Variants in GNG7 observed in about 807,000 individuals in gnomAD.
The protein encoded by GNG7 is guanine nucleotide-binding protein G(I)/G(S)/G(O) subunit gamma-7.
GNG7 carries 1 observed loss-of-function variant against 4.0 expected under a neutral mutation model. The ratio of observed to expected loss-of-function variants is 0.25; its 90% CI spans 0.09 to 1.18. The LOEUF is 1.18. Among genes scored for constraint, GNG7 ranks in the 50% most tolerant of loss-of-function variants. The pLI is 0.50. For missense variants in GNG7, 86 were observed against 91.9 expected, an observed-to-expected ratio of 0.94 and a Z score of 0.26; for synonymous variants, 34 against 36.9, an observed-to-expected ratio of 0.92 and a Z score of 0.29.
intron 2 of GNG7, among the ~76,000 whole-genome samples, chr19:2,638,803 C>T (rs1413754318): frequency 6.6e-6 from 1 of 152,068 alleles, no homozygotes; most frequent in Non-Finnish European, 1.5e-5. Context: ...GTGAGCCCCA[C>T]TAGCATAGTT....
At position 2,589,905 on chromosome 19, in the gene GNG7, G is replaced by A. The variant is rs769171757; in HGVS notation, c.-77-34717C>T. 1.1e-4 allele frequency among the ~76,000 whole-genome samples: 16 copies of A among 152,188 alleles called. 1 individual carries two copies. Among genetic ancestry groups the A allele is most frequent in the East Asian group, 3.9e-4 (2 of 5,188 alleles). ...CAGCTCACTGCAACCTCCACCTCCCGGGTTCAAGCGATTCTTCTACCTCAG... is the reference window on the plus strand; with the variant it reads ...CAGCTCACTGCAACCTCCACCTCCCAGGTTCAAGCGATTCTTCTACCTCAG... On this transcript the variant is annotated intron_variant, in intron 2 of 4. Coordinates refer to ENST00000382159, the MANE Select transcript of GNG7 (RefSeq NM_052847.3).
chr19:2,538,096 A>AAAAC (rs1489641555), intron 3 of GNG7: 6 of 454,212 alleles, frequency 1.3e-5, no homozygotes, highest in African/African-American at 2.0e-5. Context: ...AAAACAAAAC[A>AAAAC]AAACAAAACA....
chr19:2,593,291 G>A (rs1285248416), intron 2 of GNG7, among the ~76,000 whole-genome samples: 1 of 151,876 alleles, frequency 6.6e-6, no homozygotes, highest in Admixed American at 6.6e-5. Context: ...ATGTATAGTG[G>A]AAAATTCCTT....
intron 2 of GNG7, among the ~76,000 whole-genome samples, chr19:2,644,326 TTTATATATATATATATATATATATA>T (rs1182609807): frequency 1.5e-5 from 1 of 64,584 alleles, no homozygotes; most frequent in Non-Finnish European, 3.2e-5. Flanking sequence ...CGGCCTACAC[TTTATATATATATATATATATATATA>T]TATATATATA....
chr19:2,689,124 T>C (rs1349575108), intron 1 of GNG7, among the ~76,000 whole-genome samples: 1 of 151,068 alleles, frequency 6.6e-6, no homozygotes, highest in Non-Finnish European at 1.5e-5. Context: ...ACCACAATTA[T>C]GTTTGCCCCA....
chr19:2,604,861 T>C lies in GNG7; in HGVS notation c.-78+41363A>G, dbSNP rs1325351724. ...GGCGGCTTCCCCTCTCTTAGAAGTATTAGGCCCAAGAAACCACCTGAAATC... is the reference window on the plus strand; with the variant it reads ...GGCGGCTTCCCCTCTCTTAGAAGTACTAGGCCCAAGAAACCACCTGAAATC... On this transcript the variant is annotated intron_variant, in intron 2 of 4. Coordinates refer to ENST00000382159, the MANE Select transcript of GNG7 (RefSeq NM_052847.3). 2.0e-5 allele frequency among the ~76,000 whole-genome samples: 3 copies of C among 152,266 alleles called. No homozygotes were observed. The South Asian group carries it at 6.2e-4, about 32-fold the overall frequency.
chr19:2,571,998 CTCTT>C (rs1440546198), intron 2 of GNG7, among the ~76,000 whole-genome samples: 8 of 152,176 alleles, frequency 5.3e-5, no homozygotes, highest in Non-Finnish European at 8.8e-5. Flanking sequence ...TTGTCCCTCT[CTCTT>C]TGTGTTTTTG....
At chr19:2,642,685 G>A (rs2144856783) in intron 2 of GNG7, 2 of 416,820 alleles carry the variant, frequency 4.8e-6, no homozygotes, top group South Asian at 1.8e-5. Flanking sequence ...TAGAGTTTAG[G>A]ATATCGCTCT....
chr19:2,562,551 G>A lies in GNG7; in HGVS notation c.-77-7363C>T, dbSNP rs186042396. ...AACAGGGTTTTTCCCCCCGGGCACT[G>A]TGGACACTGGGGCCAGATCCTTCTC... is the stretch of plus-strand genomic sequence containing the variant. On this transcript the variant is annotated intron_variant, in intron 2 of 4. Transcript: ENST00000382159. Among the ~76,000 whole-genome samples the A allele has an allele frequency of 3.3e-4, 50 of 152,304 alleles. No homozygotes were observed. In the East Asian group the frequency reaches 4.8e-3, roughly 15 times the overall value.
intron 1 of GNG7, among the ~76,000 whole-genome samples, chr19:2,655,613 C>T (rs181135433): frequency 5.9e-5 from 9 of 151,764 alleles, no homozygotes; most frequent in South Asian, 4.2e-4. Context: ...CTGAGGTGGG[C>T]GGCTCACAAG....
intron 1 of GNG7, among the ~76,000 whole-genome samples, chr19:2,657,020 C>T (rs114537174): frequency 0.01 from 1,547 of 152,026 alleles, 7 homozygotes; most frequent in Middle Eastern, 0.024. Context: ...GATCAATTTT[C>T]AATGATTGTC....
At chr19:2,573,033 T>G (rs1279004249) in intron 2 of GNG7, among the ~76,000 whole-genome samples, 3 of 149,466 alleles carry the variant, frequency 2.0e-5, no homozygotes, top group African/African-American at 5.0e-5. Context: ...TTTTTTTTTT[T>G]TTTTTGTTTT....
intron 2 of GNG7, among the ~76,000 whole-genome samples, chr19:2,568,584 AATACACACATATATAGAC>A (rs1449803287): frequency 6.1e-5 from 8 of 131,250 alleles, no homozygotes; most frequent in African/African-American, 1.3e-4. Flanking sequence ...CACATGCACA[AATACACACATATATAGAC>A]ATACACACAT....
At chr19:2,564,045 G>A (rs141575598) in intron 2 of GNG7, among the ~76,000 whole-genome samples, 2 of 152,274 alleles carry the variant, frequency 1.3e-5, no homozygotes, top group African/African-American at 4.8e-5. Context: ...TGGTGTTCGT[G>A]TGTGTAAGGG....
chr19:2,681,262 C>T (rs550776109), intron 1 of GNG7, among the ~76,000 whole-genome samples: 7 of 152,212 alleles, frequency 4.6e-5, no homozygotes, highest in African/African-American at 1.7e-4. Flanking sequence ...CGGCTCACTG[C>T]AACCTCCACC....
chr19:2,549,167 C>T (rs901953430), intron 3 of GNG7, among the ~76,000 whole-genome samples: 18 of 152,182 alleles, frequency 1.2e-4, no homozygotes, highest in African/African-American at 4.3e-4. Context: ...GTGTCTGGCT[C>T]AACGCTCGAC....
intron 2 of GNG7, among the ~76,000 whole-genome samples, chr19:2,562,868 G>A (rs1041959811): frequency 6.6e-6 from 1 of 152,202 alleles, no homozygotes; most frequent in Non-Finnish European, 1.5e-5. Context: ...AGTCCCTCTG[G>A]TTTACACCAT....
chr19:2,691,993 T>G (rs997897058), intron 1 of GNG7, among the ~76,000 whole-genome samples: 66 of 151,778 alleles, frequency 4.3e-4, no homozygotes, highest in African/African-American at 1.5e-3. Context: ...CCCCAGGGGG[T>G]GGGGGAGGCA....
intron 3 of GNG7, among the ~76,000 whole-genome samples, chr19:2,540,497 G>A (rs1377648244): frequency 2.0e-5 from 3 of 152,200 alleles, no homozygotes; most frequent in Non-Finnish European, 4.4e-5. Flanking sequence ...CCGACGGCGT[G>A]CCCAGCCTGT....
Sources: gnomAD v4.1 joint callset for allele counts (sites outside exome capture counted in the v4.1 genomes callset) on GRCh38, gnomAD v4.1.1 for gene constraint, MANE v1.5 for transcripts, NCBI Gene and HGNC (gene_info 2026-07-23, HGNC 2026-07-21) for gene names.